Variants in BRINP1 observed in about 807,000 individuals in gnomAD.
BRINP1 encodes the protein BMP/retinoic acid inducible neural specific 1, also known as BMP/retinoic acid-inducible neural-specific protein 1.
A neutral mutation model predicts 72.9 loss-of-function variants in BRINP1; 17 were observed. That is an observed-to-expected ratio of 0.23 (90% CI 0.16 to 0.35). The LOEUF (loss-of-function observed/expected upper bound fraction) is 0.35, where lower values mean the gene tolerates loss of function less well. BRINP1 is among the 10% of genes least tolerant of loss of function. The probability of loss-of-function intolerance (pLI) is 1.00; values close to 1 mark genes in which losing one functional copy is unlikely to be tolerated. For missense variants in BRINP1, 850 were observed against 1,001.6 expected, an observed-to-expected ratio of 0.85 and a Z score of 2.04; for synonymous variants, 418 against 378.5, an observed-to-expected ratio of 1.10 and a Z score of -1.21.
intron 1 of BRINP1, among the ~76,000 whole-genome samples, chr9:119,325,329 T>A (rs572269040): frequency 6.6e-6 from 1 of 152,236 alleles, no homozygotes; most frequent in South Asian, 2.1e-4. Context: ...CTCCCAGTAT[T>A]CCCCATCCAA....
At chr9:119,320,192 G>A (rs1831171269) in intron 1 of BRINP1, among the ~76,000 whole-genome samples, 1 of 152,056 alleles carries the variant, frequency 6.6e-6, no homozygotes, top group Non-Finnish European at 1.5e-5. Flanking sequence ...AGAGTGATGG[G>A]GTGTGTGCTG....
chr9:119,203,940 A>C (rs1452222932), intron 7 of BRINP1, among the ~76,000 whole-genome samples: 1 of 152,324 alleles, frequency 6.6e-6, no homozygotes, highest in African/African-American at 2.4e-5. Flanking sequence ...AAGCCAGGTT[A>C]GGCTTTTGGC....
chr9:119,302,006 T>TAAAAA (rs1830944194), intron 2 of BRINP1, among the ~76,000 whole-genome samples: 1 of 152,186 alleles, frequency 6.6e-6, no homozygotes, highest in African/African-American at 2.4e-5. Context: ...GCAAAACTCC[T>TAAAAA]AGAAATCCCT....
intron 2 of BRINP1, among the ~76,000 whole-genome samples, chr9:119,310,595 C>T (rs1456162011): frequency 1.3e-5 from 2 of 152,164 alleles, no homozygotes; most frequent in Non-Finnish European, 2.9e-5. Flanking sequence ...GCTTCCCAAT[C>T]ACCCTGGGTT....
intron 2 of BRINP1, among the ~76,000 whole-genome samples, chr9:119,307,914 T>TC (rs1385401343): frequency 6.6e-6 from 1 of 152,194 alleles, no homozygotes; most frequent in Non-Finnish European, 1.5e-5. Flanking sequence ...GGATGCAGCC[T>TC]CTAGAATCAC....
chr9:119,248,206 C>G (rs772011629), intron 3 of BRINP1, among the ~76,000 whole-genome samples: 1 of 152,184 alleles, frequency 6.6e-6, no homozygotes, highest in African/African-American at 2.4e-5. Context: ...ATGCAGCCGG[C>G]GACTTTGTGA....
At chr9:119,224,931 A>ATTATT (rs1830075094) in intron 5 of BRINP1, among the ~76,000 whole-genome samples, 1 of 152,046 alleles carries the variant, frequency 6.6e-6, no homozygotes, top group African/African-American at 2.4e-5. Context: ...AGAGGAAACG[A>ATTATT]ACAATAATGT....
At chr9:119,203,865 T>A (rs960862174) in intron 7 of BRINP1, among the ~76,000 whole-genome samples, 3 of 152,186 alleles carry the variant, frequency 2.0e-5, no homozygotes, top group Non-Finnish European at 4.4e-5. Context: ...CTATTGTACC[T>A]CATCTCCAAA....
chr9:119,178,103 A>C (rs1245177346), intron 7 of BRINP1, among the ~76,000 whole-genome samples: 4 of 152,180 alleles, frequency 2.6e-5, no homozygotes, highest in Non-Finnish European at 4.4e-5. Context: ...GACCCTGGAC[A>C]GGGAGGATGA....
intron 1 of BRINP1, among the ~76,000 whole-genome samples, chr9:119,362,189 A>G (rs1007333722): frequency 1.3e-5 from 2 of 152,124 alleles, no homozygotes; most frequent in Admixed American, 6.5e-5. Flanking sequence ...CTCAATTTAC[A>G]GAAGGCAAGC....
chr9:119,345,152 G>C (rs931439788), intron 1 of BRINP1, among the ~76,000 whole-genome samples: 1 of 152,136 alleles, frequency 6.6e-6, no homozygotes, highest in African/African-American at 2.4e-5. Context: ...TTCCACCCAT[G>C]TTGTGTAGAA....
intron 2 of BRINP1, among the ~76,000 whole-genome samples, chr9:119,310,185 A>T (rs1831046662): frequency 1.3e-5 from 2 of 152,200 alleles, no homozygotes; most frequent in Admixed American, 6.5e-5. Context: ...AAGTTCTGTT[A>T]GTTGACCAAA....
intron 7 of BRINP1, among the ~76,000 whole-genome samples, chr9:119,176,350 CAG>C (rs1292639570): frequency 3.9e-5 from 6 of 152,192 alleles, no homozygotes; most frequent in East Asian, 1.9e-4. Context: ...AAACTAGAAA[CAG>C]AAGCTAATTT....
intron 7 of BRINP1, among the ~76,000 whole-genome samples, chr9:119,194,634 C>CT (rs1588160455): frequency 6.6e-6 from 1 of 152,288 alleles, no homozygotes; most frequent in East Asian, 1.9e-4. Flanking sequence ...TGAAGAGGAC[C>CT]TTGTGCAAGG....
chr9:119,295,483 T>C (rs1288258556), intron 2 of BRINP1, among the ~76,000 whole-genome samples: 1 of 152,246 alleles, frequency 6.6e-6, no homozygotes, highest in Non-Finnish European at 1.5e-5. Flanking sequence ...TACTGACTAC[T>C]GTAAGCAATT....
intron 2 of BRINP1, among the ~76,000 whole-genome samples, chr9:119,273,048 C>T (rs2118953541): frequency 6.6e-6 from 1 of 152,250 alleles, no homozygotes; most frequent in South Asian, 2.1e-4. Flanking sequence ...CCTGATGTTT[C>T]CTGCACACAG....
intron 5 of BRINP1, among the ~76,000 whole-genome samples, chr9:119,218,084 C>T (rs1829998214): frequency 6.6e-6 from 1 of 151,966 alleles, no homozygotes; most frequent in African/African-American, 2.4e-5. Context: ...TTCTATCATC[C>T]CCATTAGAGA....
At chr9:119,229,707 T>G (rs190277536) in intron 5 of BRINP1, among the ~76,000 whole-genome samples, 3 of 152,086 alleles carry the variant, frequency 2.0e-5, no homozygotes, top group Admixed American at 6.6e-5. Context: ...GTGCATGCAA[T>G]GTAGCACAGA....
rs1831634053 is a variant in BRINP1 at position 119,361,771 on chromosome 9, C to G, written c.-51+7285G>C. Reference sequence around the variant, plus strand: ...AGGTAGCTGGAACTACAGGTGTGCACCATTACGCCCAGCTACAGTTTTTGC... The same window carrying G: ...AGGTAGCTGGAACTACAGGTGTGCAGCATTACGCCCAGCTACAGTTTTTGC... On this transcript the variant is annotated intron_variant, in intron 1 of 7. Transcript: ENST00000265922. Among the ~76,000 whole-genome samples, 3 of 149,244 alleles carry G rather than the reference C, an allele frequency of 2.0e-5. No homozygotes were observed. In the South Asian group the frequency reaches 6.5e-4, roughly 32 times the overall value.
Sources: allele counts gnomAD v4.1 joint callset (sites outside exome capture counted in the v4.1 genomes callset), GRCh38; gene constraint gnomAD v4.1.1; transcripts MANE v1.5; gene names NCBI Gene and HGNC (gene_info 2026-07-23, HGNC 2026-07-21).